ARHGAP26: variants seen among roughly 807,000 people sequenced by gnomAD.
ARHGAP26 encodes Rho GTPase activating protein 26.
In ARHGAP26, 38 loss-of-function variants were observed where a neutral mutation model predicts 104.8. That is an observed-to-expected ratio of 0.36 (90% CI 0.28 to 0.48). The LOEUF (loss-of-function observed/expected upper bound fraction) is 0.48, where lower values mean the gene tolerates loss of function less well. ARHGAP26 is among the 20% of genes least tolerant of loss of function. The pLI, the probability that ARHGAP26 is intolerant of heterozygous loss-of-function variation, is 0.99. For missense variants in ARHGAP26, 704 were observed against 947.9 expected (o/e 0.74, Z 3.38); for synonymous variants, 341 against 340.0 (o/e 1.00, Z -0.03).
chr5:143,005,110 T>C (rs1003708813), intron 11 of ARHGAP26, among the ~76,000 whole-genome samples: 1 of 152,138 alleles, frequency 6.6e-6, no homozygotes, highest in Non-Finnish European at 1.5e-5. Flanking sequence ...CCACAACCCT[T>C]GTCTGTGAGC....
chr5:143,120,508 T>C (rs985531249), intron 17 of ARHGAP26, among the ~76,000 whole-genome samples: 1 of 152,238 alleles, frequency 6.6e-6, no homozygotes, highest in Non-Finnish European at 1.5e-5. Flanking sequence ...GTTTTAAATA[T>C]CCAGATCTGC....
chr5:142,952,087 G>A (rs1768473775), intron 11 of ARHGAP26, among the ~76,000 whole-genome samples: 1 of 152,130 alleles, frequency 6.6e-6, no homozygotes, highest in Non-Finnish European at 1.5e-5. Flanking sequence ...TCTGTCTCTA[G>A]TAAGGACATT....
chr5:143,115,301 C>G (rs1415460902), intron 17 of ARHGAP26, among the ~76,000 whole-genome samples: 1 of 151,534 alleles, frequency 6.6e-6, no homozygotes, highest in African/African-American at 2.4e-5. Context: ...CCATTGCACT[C>G]CAGCCTGCAC....
intron 1 of ARHGAP26, among the ~76,000 whole-genome samples, chr5:142,780,006 G>A (rs1176849038): frequency 6.6e-6 from 1 of 152,176 alleles, no homozygotes; most frequent in Admixed American, 6.5e-5. Context: ...TCCCTCCAAT[G>A]CTTCCTGTCT....
At chr5:143,122,959 A>G (rs1391747628) in intron 18 of ARHGAP26, among the ~76,000 whole-genome samples, 2 of 152,178 alleles carry the variant, frequency 1.3e-5, no homozygotes, top group Admixed American at 6.5e-5. Flanking sequence ...CATGTAATAA[A>G]ATTTACTTAC....
rs1811444212 is a variant in ARHGAP26, at chr5:143,223,772, G to A, written c.*1326G>A. ...CATTGTGATTCAGGAAGAAACCCAA[G>A]GTTGGAGGGTGGGATGAGTACCCTC... On this transcript the variant is annotated 3_prime_UTR_variant, in exon 23 of 23. Transcript: ENST00000645722. 1 of 232,236 alleles carries A rather than the reference G, an allele frequency of 4.3e-6. No homozygotes were observed. Among genetic ancestry groups the A allele is most frequent in the African/African-American group, 2.2e-5 (1 of 45,274 alleles). The allele number at this position is 232,236 out of a possible 1,614,324, so 14.4% of individuals were successfully genotyped here.
chr5:142,963,200 G>GTATATATA (rs1409082862), intron 11 of ARHGAP26, among the ~76,000 whole-genome samples: 1,025 of 92,438 alleles, frequency 0.011, 38 homozygotes, highest in African/African-American at 0.046. Flanking sequence ...ATATATATAT[G>GTATATATA]TGTGTGTGTG....
chr5:142,853,445 C>T (rs2152273713), intron 1 of ARHGAP26, among the ~76,000 whole-genome samples: 1 of 152,300 alleles, frequency 6.6e-6, no homozygotes, highest in South Asian at 2.1e-4. Context: ...CCTGCCTTGG[C>T]CTCCCAACGT....
intron 12 of ARHGAP26, among the ~76,000 whole-genome samples, chr5:143,022,084 T>A: frequency 2.0e-5 from 1 of 49,088 alleles, no homozygotes; most frequent in Non-Finnish European, 5.4e-5. Flanking sequence ...TTTGTTTTAT[T>A]TCATTTATTT....
At chr5:142,894,400 C>A in intron 6 of ARHGAP26, 52 bp downstream of exon 6, 2 of 1,501,934 alleles carry the variant, frequency 1.3e-6, no homozygotes, top group South Asian at 1.2e-5. Context: ...ATCCCTCATT[C>A]TAACTAGTAG....
chr5:143,131,694 G>T (rs1174328370), intron 18 of ARHGAP26, among the ~76,000 whole-genome samples: 1 of 152,216 alleles, frequency 6.6e-6, no homozygotes, highest in Non-Finnish European at 1.5e-5. Context: ...CTGCTTAGCT[G>T]TGTGGCATTG....
chr5:143,217,903 A>G (rs938533076), intron 22 of ARHGAP26, among the ~76,000 whole-genome samples: 2 of 152,206 alleles, frequency 1.3e-5, no homozygotes, highest in African/African-American at 4.8e-5. Context: ...AAAATCTATC[A>G]GTGGCCTCCC....
intron 11 of ARHGAP26, among the ~76,000 whole-genome samples, chr5:142,993,194 G>T (rs1207038755): frequency 3.1e-5 from 4 of 130,774 alleles, no homozygotes; most frequent in Admixed American, 2.6e-4. Context: ...ACGGAGTCTC[G>T]CTCTGTCGCC....
chr5:143,144,330 G>C (rs1028471114), intron 19 of ARHGAP26, among the ~76,000 whole-genome samples: 6 of 152,276 alleles, frequency 3.9e-5, no homozygotes, highest in South Asian at 4.2e-4. Flanking sequence ...TCTGTCAGGA[G>C]CAGTACTCAT....
chr5:143,092,902 T>C (rs942530174), intron 17 of ARHGAP26, among the ~76,000 whole-genome samples: 3 of 152,188 alleles, frequency 2.0e-5, no homozygotes, highest in Non-Finnish European at 4.4e-5. Flanking sequence ...AGAGTTTCCT[T>C]ATCACTTACT....
chr5:142,825,422 T>G (rs1310866291), intron 1 of ARHGAP26, among the ~76,000 whole-genome samples: 1 of 152,036 alleles, frequency 6.6e-6, no homozygotes, highest in African/African-American at 2.4e-5. Flanking sequence ...GAGGTGCACA[T>G]GGGGCTGAGG....
intron 1 of ARHGAP26, among the ~76,000 whole-genome samples, chr5:142,853,270 C>T (rs557209782): frequency 6.6e-5 from 10 of 152,202 alleles, no homozygotes; most frequent in South Asian, 2.1e-4. Flanking sequence ...CTGCAACCTC[C>T]GCCTCCTGGG....
At chr5:142,947,027 C>G (rs1296537500) in intron 11 of ARHGAP26, 1 of 145,954 alleles carries the variant, frequency 6.9e-6, no homozygotes, top group Non-Finnish European at 1.5e-5. Flanking sequence ...CTCCCACGCT[C>G]TGTGTGGTCT....
chr5:142,930,272 C>A (rs1017045446), intron 10 of ARHGAP26, among the ~76,000 whole-genome samples: 1 of 152,106 alleles, frequency 6.6e-6, no homozygotes, highest in African/African-American at 2.4e-5. Context: ...TTCATTGTGC[C>A]CTTAAGCCAC....
Sources: gnomAD v4.1 joint callset for allele counts (sites outside exome capture counted in the v4.1 genomes callset) on GRCh38, gnomAD v4.1.1 for gene constraint, MANE v1.5 for transcripts, NCBI Gene and HGNC (gene_info 2026-07-23, HGNC 2026-07-21) for gene names.